The following GAREM1 variants were observed in gnomAD, a reference collection of about 807,000 sequenced individuals.
The protein encoded by GAREM1 is GRB2-associated and regulator of MAPK protein 1.
In GAREM1, 26 loss-of-function variants were observed where a neutral mutation model predicts 71.3. That is an observed-to-expected ratio of 0.36 (90% CI 0.27 to 0.51). The LOEUF is 0.51. Ranked by LOEUF, GAREM1 falls within the 20% of genes least tolerant of loss-of-function variation. The pLI is 0.95. For missense variants in GAREM1, 1,026 were observed against 1,103.1 expected, an observed-to-expected ratio of 0.93 and a Z score of 0.99; for synonymous variants, 440 against 433.2, an observed-to-expected ratio of 1.02 and a Z score of -0.20.
At chr18:32,409,130 A>G (rs905901605) in intron 1 of GAREM1, among the ~76,000 whole-genome samples, 1 of 152,158 alleles carries the variant, frequency 6.6e-6, no homozygotes, top group Non-Finnish European at 1.5e-5. Context: ...TGCAGTCCAC[A>G]AGACCACTAG....
At chr18:32,451,268 C>G (rs978146796) in intron 1 of GAREM1, among the ~76,000 whole-genome samples, 4 of 141,192 alleles carry the variant, frequency 2.8e-5, no homozygotes, top group Admixed American at 2.3e-4. Context: ...CCCAAGCTAG[C>G]TCATTTCATC....
chr18:32,434,301 C>T (rs985195919), intron 1 of GAREM1, among the ~76,000 whole-genome samples: 33 of 151,952 alleles, frequency 2.2e-4, no homozygotes, highest in African/African-American at 5.8e-4. Flanking sequence ...TATAGGTTTG[C>T]GTGGACATTT....
At chr18:32,401,304 A>G (rs1312074478) in intron 1 of GAREM1, among the ~76,000 whole-genome samples, 9 of 152,188 alleles carry the variant, frequency 5.9e-5, no homozygotes, top group African/African-American at 2.2e-4. Context: ...GTGCACATGT[A>G]CCCTAGAACT....
chr18:32,280,178 CTAATAT>C (rs957118586), intron 4 of GAREM1, among the ~76,000 whole-genome samples: 3 of 152,080 alleles, frequency 2.0e-5, no homozygotes, highest in African/African-American at 7.2e-5. Context: ...AATACCTTTT[CTAATAT>C]TAATATTTTA....
rs182981355 is a variant in GAREM1 at position 32,363,410 on chromosome 18, G to A, written c.262+29485C>T. Among the ~76,000 whole-genome samples, 465 of 152,140 alleles carry A rather than the reference G, an allele frequency of 3.1e-3. 1 individual carries two copies. Among genetic ancestry groups the A allele is most frequent in the Admixed American group, 5.4e-3 (82 of 15,282 alleles). The stretch of plus-strand genomic sequence containing the variant: ...ATAAATATGCTGTCATAATTGTATA[G>A]TTAACTATCCTGCTTAAATTCTTGA... On this transcript the variant is annotated intron_variant, in intron 2 of 5. Coordinates refer to ENST00000269209, the MANE Select transcript of GAREM1 (RefSeq NM_001242409.2).
intron 2 of GAREM1, among the ~76,000 whole-genome samples, chr18:32,324,701 A>G (rs188066839): frequency 3.9e-5 from 6 of 152,328 alleles, no homozygotes; most frequent in East Asian, 1.9e-4. Context: ...AACATACTCT[A>G]TAGGTTCTGC....
rs142081926 is a variant in GAREM1, at chr18:32,354,403, T to A, written c.262+38492A>T. Among the ~76,000 whole-genome samples the A allele has an allele frequency of 1.8e-3, 276 of 152,278 alleles. 1 individual carries two copies. The highest frequency in any genetic ancestry group is 6.2e-3 in the African/African-American group (259 of 41,548). On this transcript the variant is annotated intron_variant, in intron 2 of 5. Coordinates refer to ENST00000269209, the MANE Select transcript of GAREM1 (RefSeq NM_001242409.2). Reference sequence around the variant, plus strand: ...CTTTGTTACTTGACTGAATACATGTTAAGAGAAAGGGGAGATAGGCTATGG... The same window carrying A: ...CTTTGTTACTTGACTGAATACATGTAAAGAGAAAGGGGAGATAGGCTATGG...
chr18:32,291,652 C>T (rs911398033), intron 3 of GAREM1, among the ~76,000 whole-genome samples: 3 of 151,986 alleles, frequency 2.0e-5, no homozygotes, highest in Non-Finnish European at 4.4e-5. Context: ...CTTAGCCCCC[C>T]ACCCCCCAAC....
intron 3 of GAREM1, among the ~76,000 whole-genome samples, chr18:32,302,587 T>C (rs753594092): frequency 2.4e-4 from 36 of 152,312 alleles, no homozygotes; most frequent in Non-Finnish European, 4.7e-4. Context: ...GAGGGTATTA[T>C]GCTAAGCAAA....
intron 2 of GAREM1, among the ~76,000 whole-genome samples, chr18:32,364,011 TATATATA>T (rs2047897050): frequency 1.7e-5 from 1 of 57,552 alleles, no homozygotes; most frequent in African/African-American, 9.0e-5. Context: ...TATATATATA[TATATATA>T]TATATATATG....
chr18:32,309,885 G>C (rs1598950403), intron 3 of GAREM1, among the ~76,000 whole-genome samples: 1 of 152,070 alleles, frequency 6.6e-6, no homozygotes, highest in East Asian at 1.9e-4. Flanking sequence ...TGGAGATCTG[G>C]CTAAACAACT....
intron 2 of GAREM1, among the ~76,000 whole-genome samples, chr18:32,322,648 AC>A (rs1341351407): frequency 3.3e-5 from 5 of 151,154 alleles, no homozygotes; most frequent in Non-Finnish European, 5.9e-5. Context: ...TGTGTCAATC[AC>A]CTTTTTATTC....
rs190554098 is a variant in GAREM1 at position 32,326,970 on chromosome 18, C to T, written c.263-16647G>A. Among the ~76,000 whole-genome samples, 86 of 152,242 alleles carry T rather than the reference C, an allele frequency of 5.6e-4. 1 individual carries two copies. The East Asian group carries it at 0.015, about 27-fold the overall frequency. On this transcript the variant is annotated intron_variant, in intron 2 of 5. Transcript: ENST00000269209. ...TAAACAAGGCTGGAGAGAAAAAGTA[C>T]TTTTAGAGAGGAGTGACTTTGTCAG...
chr18:32,306,054 T>C (rs1013790858), intron 3 of GAREM1, among the ~76,000 whole-genome samples: 2 of 152,240 alleles, frequency 1.3e-5, no homozygotes, highest in Non-Finnish European at 2.9e-5. Flanking sequence ...ACCACCCTAC[T>C]GTACTGTCCT....
intron 2 of GAREM1, among the ~76,000 whole-genome samples, chr18:32,367,494 AT>A (rs2144621354): frequency 6.6e-6 from 1 of 152,350 alleles, no homozygotes; most frequent in Non-Finnish European, 1.5e-5. Flanking sequence ...AACTCCATTG[AT>A]TTATAGAAGA....
intron 1 of GAREM1, among the ~76,000 whole-genome samples, chr18:32,433,374 C>A (rs531606022): frequency 6.6e-6 from 1 of 150,702 alleles, no homozygotes; most frequent in African/African-American, 2.4e-5. Context: ...AAATCAAGAA[C>A]GAGGAAAGGA....
chr18:32,298,339 A>C (rs546665523), intron 3 of GAREM1, among the ~76,000 whole-genome samples: 1 of 152,322 alleles, frequency 6.6e-6, no homozygotes, highest in South Asian at 2.1e-4. Flanking sequence ...CTCTTTCTTT[A>C]GCAGTAGAGC....
chr18:32,268,679 A>T lies in GAREM1; in HGVS notation c.1823T>A (p.Leu608Gln). 4.3e-6 allele frequency: 7 copies of T among 1,614,186 alleles called. No individual in the cohort carries two copies. Among genetic ancestry groups the T allele is most frequent in the Non-Finnish European group, 5.1e-6 (6 of 1,180,016 alleles). The change falls in exon 6 of 6, where the codon CTG becomes CAG. Residue 608 changes from leucine (L) to glutamine (Q), a missense_variant. This residue lies in a region of GAREM1 where 636 missense variants were observed against 631.2 expected (regional missense o/e 1.01). Coordinates refer to ENST00000269209, the MANE Select transcript of GAREM1 (RefSeq NM_001242409.2). Reference protein sequence around the residue: ...CNRVKTDSVDLKSPFGSPSAE... With the variant: ...CNRVKTDSVDQKSPFGSPSAE... ...AGAAGGACTTCCAAACGGGGATTTC[A>T]GGTCCACAGAATCAGTTTTCACTCG...
intron 2 of GAREM1, among the ~76,000 whole-genome samples, chr18:32,359,628 T>C (rs1008983043): frequency 2.6e-5 from 4 of 152,158 alleles, no homozygotes; most frequent in Non-Finnish European, 4.4e-5. Context: ...CTCAATATGG[T>C]TGAGGACATC....
Sources: allele counts gnomAD v4.1 joint callset (sites outside exome capture counted in the v4.1 genomes callset), GRCh38; gene constraint gnomAD v4.1.1; regional missense constraint gnomAD v4.1.1; transcripts MANE v1.5; gene names NCBI Gene and HGNC (gene_info 2026-07-23, HGNC 2026-07-21).